PPP1R1C: variants seen among roughly 807,000 people sequenced by gnomAD.
The protein encoded by PPP1R1C is protein phosphatase 1 regulatory subunit 1C.
A neutral mutation model predicts 17.4 loss-of-function variants in PPP1R1C; 15 were observed. The observed-to-expected ratio is 0.86, with a 90% CI of 0.58 to 1.33. PPP1R1C has a LOEUF of 1.33. Ranked by LOEUF, PPP1R1C falls within the 40% of genes most tolerant of loss-of-function variation. The probability of loss-of-function intolerance (pLI) is 0.00; values close to 1 mark genes in which losing one functional copy is unlikely to be tolerated. For missense variants in PPP1R1C, 143 were observed against 130.0 expected, an observed-to-expected ratio of 1.10 and a Z score of -0.48; for synonymous variants, 35 against 43.1, an observed-to-expected ratio of 0.81 and a Z score of 0.73.
At position 181,992,322 on chromosome 2, in the gene PPP1R1C, TA is replaced by T. The variant is rs1685497154; in HGVS notation, c.142+4429del. On this transcript the variant is annotated intron_variant, in intron 2 of 4. Coordinates refer to ENST00000682840, the MANE Select transcript of PPP1R1C (RefSeq NM_001080545.3). ...AATAAAAAGTCATTTTCTCACCTTT[TA>T]AAAAATATGAATGAATGATTATTTT... 1.5e-5 allele frequency among the ~76,000 whole-genome samples: 2 copies of T among 135,096 alleles called. 1 individual carries two copies. Among genetic ancestry groups the T allele is most frequent in the South Asian group, 4.9e-4 (2 of 4,056 alleles). The allele number at this position is 135,096 out of a possible 152,430, so 88.6% of individuals were successfully genotyped here. A position where few individuals can be genotyped will look rare whatever the true frequency, so the allele number is the denominator to read the frequency against.
intron 2 of PPP1R1C, among the ~76,000 whole-genome samples, chr2:182,011,067 G>C (rs1686075907): frequency 6.6e-6 from 1 of 152,072 alleles, no homozygotes; most frequent in East Asian, 1.9e-4. Context: ...CAGGGATATT[G>C]GCCTGTAGTT....
At chr2:182,019,341 C>A (rs997881716) in intron 2 of PPP1R1C, among the ~76,000 whole-genome samples, 2 of 152,142 alleles carry the variant, frequency 1.3e-5, no homozygotes, top group Admixed American at 6.5e-5. Context: ...TTTTTGCCAT[C>A]CCTTGGGTGG....
chr2:182,058,592 GA>G (rs1231383850), intron 2 of PPP1R1C, among the ~76,000 whole-genome samples: 1 of 152,058 alleles, frequency 6.6e-6, no homozygotes, highest in Non-Finnish European at 1.5e-5. Context: ...AAACTTATGA[GA>G]AAATGAGGAA....
intron 2 of PPP1R1C, among the ~76,000 whole-genome samples, chr2:182,000,194 A>G (rs1339118665): frequency 6.6e-6 from 1 of 152,180 alleles, no homozygotes; most frequent in African/African-American, 2.4e-5. Flanking sequence ...CCTTTGCAAA[A>G]CAGAAAAGAT....
chr2:182,120,346 C>CA (rs1397286934), downstream of PPP1R1C, among the ~76,000 whole-genome samples: 2 of 151,910 alleles, frequency 1.3e-5, no homozygotes, highest in Non-Finnish European at 2.9e-5. Flanking sequence ...AAAAACCCTT[C>CA]AAAAAATCAT....
In PPP1R1C at chr2:182,106,894, G is replaced by A. The variant is rs749937216; in HGVS notation, c.242-10313G>A. 5.3e-4 allele frequency among the ~76,000 whole-genome samples: 80 copies of A among 152,238 alleles called. 1 individual carries two copies. Among genetic ancestry groups the A allele is most frequent in the Admixed American group, 2.7e-3 (41 of 15,294 alleles). The stretch of plus-strand genomic sequence containing the variant: ...TGCTCCCCATAGAGGTTTGAGCAGG[G>A]GGACACCAGAAGAAGCAAGCCACAC... On this transcript the variant is annotated intron_variant, in intron 4 of 4. Transcript: ENST00000682840.
In PPP1R1C at chr2:182,009,176, C is replaced by T. The variant is rs532325919; in HGVS notation, c.142+21277C>T. On this transcript the variant is annotated intron_variant, in intron 2 of 4. Transcript: ENST00000682840. ...GGGATTACTGGGTCATATGATAGTT[C>T]TATTTTTAGTTTTTTTCAGGAACCT... Among the ~76,000 whole-genome samples the T allele has an allele frequency of 2.8e-4, 42 of 152,066 alleles. No homozygotes were observed. The East Asian group carries it at 7.2e-3, about 26-fold the overall frequency.
chr2:182,057,098 G>A (rs567447099), intron 2 of PPP1R1C, among the ~76,000 whole-genome samples: 1 of 152,260 alleles, frequency 6.6e-6, no homozygotes, highest in East Asian at 1.9e-4. Flanking sequence ...GCAAACAGAT[G>A]GTCTGGTTTT....
chr2:182,071,636 G>A (rs1688143242), intron 4 of PPP1R1C, among the ~76,000 whole-genome samples: 2 of 152,136 alleles, frequency 1.3e-5, no homozygotes, highest in South Asian at 4.1e-4. Context: ...TGAAGGAAAT[G>A]TCCTGTACAC....
chr2:182,025,433 C>T (rs1443748525), intron 2 of PPP1R1C, among the ~76,000 whole-genome samples: 1 of 138,704 alleles, frequency 7.2e-6, no homozygotes, highest in Non-Finnish European at 1.5e-5. Context: ...TGTTCAATTG[C>T]CACCTATGAG....
chr2:182,094,830 G>C (rs763809731), intron 4 of PPP1R1C, among the ~76,000 whole-genome samples: 1 of 152,176 alleles, frequency 6.6e-6, no homozygotes, highest in African/African-American at 2.4e-5. Context: ...ATTAAGGTAG[G>C]CCAGGCCAAG....
At chr2:181,980,797 A>C (rs866356200) in intron 2 of PPP1R1C, among the ~76,000 whole-genome samples, 1 of 152,232 alleles carries the variant, frequency 6.6e-6, no homozygotes, top group Admixed American at 6.5e-5. Flanking sequence ...TATGTAACAC[A>C]CTAATAATTC....
chr2:182,010,817 G>C (rs191288293), intron 2 of PPP1R1C, among the ~76,000 whole-genome samples: 1 of 151,594 alleles, frequency 6.6e-6, no homozygotes, highest in Non-Finnish European at 1.5e-5. Flanking sequence ...AATTTCTGAG[G>C]GTTTTTATCA....
intron 2 of PPP1R1C, among the ~76,000 whole-genome samples, chr2:182,034,935 T>G (rs1162054130): frequency 3.3e-5 from 5 of 152,238 alleles, no homozygotes; most frequent in Non-Finnish European, 7.3e-5. Context: ...CTGTGGCTCC[T>G]TACACACCTT....
chr2:182,046,296 C>G (rs1406757045), intron 2 of PPP1R1C, among the ~76,000 whole-genome samples: 1 of 152,028 alleles, frequency 6.6e-6, no homozygotes, highest in East Asian at 1.9e-4. Flanking sequence ...GTACTTTGAC[C>G]TATATCATCC....
chr2:182,118,911 T>A (rs1285570137), downstream of PPP1R1C, among the ~76,000 whole-genome samples: 1 of 151,954 alleles, frequency 6.6e-6, no homozygotes. Context: ...TTTCTTTTTT[T>A]TTTAAATTAT....
At position 182,117,692 on chromosome 2, in the gene PPP1R1C, A is replaced by AGTGTGT. The variant is rs3063151; in HGVS notation, c.*413_*418dup. The AGTGTGT allele has an allele frequency of 6.9e-3, 1,062 of 153,472 alleles. 14 individuals carry two copies. Among genetic ancestry groups the AGTGTGT allele is most frequent in the African/African-American group, 0.022 (905 of 41,202 alleles). 9.5% of individuals were successfully genotyped at this position (153,472 alleles called of 1,614,324 possible). ...TAAATAGTAAACACATTTAGACATG[A>AGTGTGT]GTGTGTGTGTGTGTGTGTGTGGGTT... On this transcript the variant is annotated 3_prime_UTR_variant, in exon 5 of 5. Coordinates refer to ENST00000682840, the MANE Select transcript of PPP1R1C (RefSeq NM_001080545.3).
At chr2:182,124,304 GTTTTTTTTTGTT>G (rs1215168165) in intron 5 of PPP1R1C, among the ~76,000 whole-genome samples, 71 of 77,634 alleles carry the variant, frequency 9.1e-4, no homozygotes, top group Middle Eastern at 0.014. Context: ...CTCCAGCTTT[GTTTTTTTTTGTT>G]TTTTTTTTTT....
chr2:182,024,714 G>C (rs962258900), intron 2 of PPP1R1C, among the ~76,000 whole-genome samples: 1 of 151,942 alleles, frequency 6.6e-6, no homozygotes, highest in Admixed American at 6.6e-5. Flanking sequence ...AATTAGCCAG[G>C]CATGGCAGCA....
Sources: gnomAD v4.1 joint callset for allele counts (sites outside exome capture counted in the v4.1 genomes callset) on GRCh38, gnomAD v4.1.1 for gene constraint, MANE v1.5 for transcripts, NCBI Gene and HGNC (gene_info 2026-07-23, HGNC 2026-07-21) for gene names.